Variants in C1R observed in about 807,000 individuals in gnomAD.
C1R encodes the protein complement C1r subcomponent.
C1R carries 15 observed loss-of-function variants against 27.6 expected under a neutral mutation model. That is an observed-to-expected ratio of 0.54 (90% CI 0.36 to 0.84). The LOEUF (loss-of-function observed/expected upper bound fraction) is 0.84. C1R is among the 40% of genes least tolerant of loss of function. The pLI is 0.01. For missense variants in C1R, 544 were observed against 577.9 expected, an observed-to-expected ratio of 0.94 and a Z score of 0.60; for synonymous variants, 253 against 228.8, an observed-to-expected ratio of 1.11 and a Z score of -0.95.
chr12:7,081,646 C>G (rs2135737963), intron 10 of C1R, among the ~76,000 whole-genome samples: 1 of 152,270 alleles, frequency 6.6e-6, no homozygotes, highest in South Asian at 2.1e-4. Flanking sequence ...GCATGTGCCA[C>G]CATGCTTGGC....
At position 7,081,086 on chromosome 12, in the gene C1R, C is replaced by T; in HGVS notation, c.1564G>A (p.Gly522Ser). ...QSNASLDVFLGHTNVEELMKL... is the reference protein window; with the variant it reads ...QSNASLDVFLSHTNVEELMKL... The stretch of plus-strand genomic sequence containing the variant: ...ATGAGCTCTTCCACATTTGTGTGGC[C>T]CAGGAACACATCCAAAGAGGCGTTG... The change falls in exon 11 of 11, where the codon GGC (glycine) becomes AGC (serine). Residue 522 changes from glycine to serine, a missense_variant. By Grantham distance (56) the Gly-to-Ser change is moderately conservative. Around this residue, in one of 2 missense-constraint regions of C1R, gnomAD observed 253 missense variants for 368.9 expected, o/e 0.69. Coordinates refer to ENST00000647956, the MANE Select transcript of C1R (RefSeq NM_001733.7). 6.2e-7 allele frequency: 1 copy of T among 1,614,020 alleles called. No individual in the cohort carries two copies. The highest frequency in any genetic ancestry group is 8.5e-7 in the Non-Finnish European group (1 of 1,179,892).
At position 7,089,535 on chromosome 12, in the gene C1R, C is replaced by T. The variant is rs777447841; in HGVS notation, c.572-46G>A. 9.0e-6 allele frequency: 7 copies of T among 780,030 alleles called. No homozygotes were observed. The South Asian group carries it at 9.4e-5, about 10-fold the overall frequency. The allele number at this position is 780,030 out of a possible 1,614,324, so 48.3% of individuals were successfully genotyped here. ...GGCATTACGGGGGACTCCAGCTGGC[C>T]CAGCAAGCCCTGGCTCAACCCCTTC... is the stretch of plus-strand genomic sequence containing the variant. On this transcript the variant is annotated intron_variant, in intron 4 of 10. Transcript: ENST00000647956.
chr12:7,085,180 G>A (rs1001015882), intron 9 of C1R, among the ~76,000 whole-genome samples: 4 of 150,846 alleles, frequency 2.7e-5, no homozygotes, highest in Non-Finnish European at 5.9e-5. Flanking sequence ...TGTCAGTAAT[G>A]GTGGTGGTGA....
chr12:7,088,381 A>G (rs1938187948), intron 7 of C1R: 1 of 699,916 alleles, frequency 1.4e-6, no homozygotes, highest in Non-Finnish European at 2.6e-6. Flanking sequence ...GCTGGAGTGC[A>G]GTGGCTATTC....
chr12:7,081,178 A>G lies in C1R; in HGVS notation c.1472T>C (p.Leu491Pro). 6.2e-7 allele frequency: 1 copy of G among 1,613,896 alleles called. No homozygotes were observed. The highest frequency in any genetic ancestry group is 8.5e-7 in the Non-Finnish European group (1 of 1,179,834). ...TGTGAGGATCCAGCGGTCGCCCAGC[A>G]GGGCCCCGCCCCCGCGCCCGTGGAT... is the stretch of plus-strand genomic sequence containing the variant. ...TNIHGRGGGA[L>P]LGDRWILTAA... Residue 491 changes from leucine (L) to proline (P), a missense_variant, in exon 11 of 11, where the codon CTG becomes CCG. Leu to Pro is a moderately conservative substitution (Grantham distance 98). Around this residue, in one of 2 missense-constraint regions of C1R, gnomAD observed 253 missense variants for 368.9 expected, o/e 0.69. Transcript: ENST00000647956.
At chr12:7,089,848 C>G (rs1938232437) in intron 3 of C1R, 115 bp from the exon 4 acceptor site, 1 of 714,112 alleles carries the variant, frequency 1.4e-6, no homozygotes. Flanking sequence ...TTTAGGCCAC[C>G]TGGACCTCCA....
rs766550652 is a variant in C1R, at chr12:7,092,236, C to T, written c.2+151G>A. 769 of 704,280 alleles carry T rather than the reference C, an allele frequency of 1.1e-3. 14 individuals are homozygous for T. The South Asian group carries it at 0.011, about 10-fold the overall frequency. The allele number at this position is 704,280 out of a possible 1,614,324, so 43.6% of individuals were successfully genotyped here. A position where few individuals can be genotyped will look rare whatever the true frequency, so the allele number is the denominator to read the frequency against. ...CTGATCCCTAGGAGGAGGGATGGGGCGTGTGTTGTGTGTGTCCACGCGTGT... is the reference window on the plus strand; with the variant it reads ...CTGATCCCTAGGAGGAGGGATGGGGTGTGTGTTGTGTGTGTCCACGCGTGT... On this transcript the variant is annotated intron_variant, in intron 1 of 10. Transcript: ENST00000647956.
At chr12:7,082,942 A>C (rs1938089857) in intron 9 of C1R, among the ~76,000 whole-genome samples, 1 of 152,228 alleles carries the variant, frequency 6.6e-6, no homozygotes, top group East Asian at 1.9e-4. Context: ...GCCAGAACCA[A>C]GGTGCAAGAG....
At chr12:7,089,060 G>T in intron 5 of C1R, 74 bp from the exon 6 acceptor site, 1 of 654,392 alleles carries the variant, frequency 1.5e-6, no homozygotes, top group South Asian at 1.7e-5. Context: ...GTAGCCTGGT[G>T]GCCAGGGTGG....
Position 7,082,124 on chromosome 12 carries a change from AAGAATCAAGT to A in C1R, c.1274-28_1274-19del. 7.1e-7 allele frequency: 1 copy of A among 1,417,508 alleles called. No homozygotes were observed. Among genetic ancestry groups the A allele is most frequent in the Non-Finnish European group, 9.6e-7 (1 of 1,037,680 alleles). The allele number at this position is 1,417,508 out of a possible 1,614,324, so 87.8% of individuals were successfully genotyped here. A position where few individuals can be genotyped will look rare whatever the true frequency, so the allele number is the denominator to read the frequency against. The stretch of plus-strand genomic sequence containing the variant: ...GTACACCCCTGAGGGCAGAGGAGGC[AAGAATCAAGT>A]TGGGGGGTGATGGGTAAGAAAACTA... On this transcript the variant is annotated intron_variant, in intron 9 of 10. Coordinates refer to ENST00000647956, the MANE Select transcript of C1R (RefSeq NM_001733.7).
intron 6 of C1R, 41 bp downstream of exon 6, chr12:7,088,798 C>T (rs1203670294): frequency 1.3e-6 from 1 of 774,660 alleles, no homozygotes; most frequent in Non-Finnish European, 2.4e-6. Flanking sequence ...CCCCCTTTTC[C>T]CCATTGCTGG....
intron 6 of C1R, 53 bp downstream of exon 6, chr12:7,088,786 T>C: frequency 1.3e-6 from 1 of 772,182 alleles, no homozygotes; most frequent in Non-Finnish European, 2.4e-6. Context: ...CCTTCCTTCT[T>C]CCCCCCTTTT....
rs762138868 is a variant in C1R, at chr12:7,081,108, G to T, written c.1542C>A (p.Asn514Lys). The change falls in exon 11 of 11, where the codon AAC (asparagine) becomes AAA (lysine). Residue 514 changes from asparagine (N) to lysine (K), a missense_variant. Physicochemically the swap from Asn to Lys is moderately conservative, Grantham distance 94. Transcript: ENST00000647956. The part of the protein sequence containing the change: ...LYPKEHEAQS[N>K]ASLDVFLGHT... ...GGCCCAGGAACACATCCAAAGAGGC[G>T]TTGCTTTGCGCTTCGTGTTCCTTGG... 1 of 1,614,062 alleles carries T rather than the reference G, an allele frequency of 6.2e-7. No individual in the cohort carries two copies. Among genetic ancestry groups the T allele is most frequent in the South Asian group, 1.1e-5 (1 of 91,090 alleles).
intron 5 of C1R, 38 bp from the exon 6 acceptor site, chr12:7,089,024 C>T (rs762480472): frequency 2.9e-5 from 20 of 692,426 alleles, no homozygotes; most frequent in South Asian, 1.6e-4. Flanking sequence ...TCAGCTTGGA[C>T]GTTTTTACAC....
In C1R at chr12:7,091,170, C is replaced by T; in HGVS notation, c.231+282G>A. ...GAGGCACAGTGGTTTCCCAAAGACT[C>T]TCAGCTAGACAGCAGATGGGGAAGG... On this transcript the variant is annotated intron_variant, in intron 2 of 10. Coordinates refer to ENST00000647956, the MANE Select transcript of C1R (RefSeq NM_001733.7). The surrounding 1 kb of genome is among the most constrained non-coding windows in gnomAD (Gnocchi z 5.1). 2.4e-6 allele frequency: 1 copy of T among 422,576 alleles called. No homozygotes were observed. Among genetic ancestry groups the T allele is most frequent in the Non-Finnish European group, 4.2e-6 (1 of 236,644 alleles). The allele number at this position is 422,576 out of a possible 1,614,324, so 26.2% of individuals were successfully genotyped here. A position where few individuals can be genotyped will look rare whatever the true frequency, so the allele number is the denominator to read the frequency against.
Position 7,081,021 on chromosome 12 carries a change from G to A in C1R, c.1629C>T (p.His543=), listed in dbSNP as rs1166420148. 1.9e-6 allele frequency: 3 copies of A among 1,614,044 alleles called. No individual in the cohort carries two copies. The highest frequency in any genetic ancestry group is 2.2e-5 in the South Asian group (2 of 91,090). ...AGGACTCATCCTGACGGTAGTCCGG[G>A]TGGACGCTGACCCTGCGGATGGGGT... The part of the protein sequence containing the change: ...GNHPIRRVSV[H]PDYRQDESYN... Residue 543 remains histidine (H), a synonymous_variant, in exon 11 of 11, where the codon CAC becomes CAT. Coordinates refer to ENST00000647956, the MANE Select transcript of C1R (RefSeq NM_001733.7).
At chr12:7,089,017 G>C (rs745764760) in intron 5 of C1R, 31 bp from the exon 6 acceptor site, 4 of 696,698 alleles carry the variant, frequency 5.7e-6, no homozygotes, top group Non-Finnish European at 1.1e-5. Flanking sequence ...TTTTTTTTCA[G>C]CTTGGACGTT....
chr12:7,085,494 T>C (rs1039360628), intron 9 of C1R, among the ~76,000 whole-genome samples: 1 of 151,982 alleles, frequency 6.6e-6, no homozygotes, highest in Admixed American at 6.6e-5. Context: ...TTGATTGTGG[T>C]GATGGCGGTG....
At chr12:7,090,674 C>T (rs1938255658) in intron 2 of C1R, among the ~76,000 whole-genome samples, 1 of 152,144 alleles carries the variant, frequency 6.6e-6, no homozygotes. Context: ...CCATTCACAC[C>T]TCGAGTGCCT....
Sources: allele counts gnomAD v4.1 joint callset (sites outside exome capture counted in the v4.1 genomes callset), GRCh38; gene constraint gnomAD v4.1.1; regional missense constraint gnomAD v4.1.1; non-coding constraint Gnocchi (gnomAD v3.1); transcripts MANE v1.5; gene names NCBI Gene and HGNC (gene_info 2026-07-23, HGNC 2026-07-21).